The following LRMDA variants were observed in gnomAD, a reference collection of about 807,000 sequenced individuals.
LRMDA encodes leucine-rich melanocyte differentiation-associated protein.
LRMDA carries 18 observed loss-of-function variants against 29.8 expected under a neutral mutation model. The ratio of observed to expected loss-of-function variants is 0.60; its 90% CI spans 0.42 to 0.90. The LOEUF is 0.90. Ranked by LOEUF, LRMDA falls within the 40% of genes least tolerant of loss-of-function variation. The probability of loss-of-function intolerance (pLI) is 0.00; values close to 1 mark genes in which losing one functional copy is unlikely to be tolerated. For missense variants in LRMDA, 273 were observed against 273.9 expected (o/e 1.00, Z 0.02); for synonymous variants, 125 against 109.4 (o/e 1.14, Z -0.89).
At chr10:75,895,917 A>G (rs1364219652) in intron 2 of LRMDA, among the ~76,000 whole-genome samples, 1 of 152,234 alleles carries the variant, frequency 6.6e-6, no homozygotes, top group African/African-American at 2.4e-5. Context: ...TTGGAATCAG[A>G]CAGATGTGGT....
intron 5 of LRMDA, among the ~76,000 whole-genome samples, chr10:76,267,184 C>T (rs1418179179): frequency 6.6e-6 from 1 of 152,038 alleles, no homozygotes; most frequent in Non-Finnish European, 1.5e-5. Context: ...ATATCCTTAA[C>T]TTTATGCACA....
chr10:75,941,186 A>T (rs574478358), intron 2 of LRMDA, among the ~76,000 whole-genome samples: 25 of 152,254 alleles, frequency 1.6e-4, no homozygotes, highest in African/African-American at 4.8e-4. Flanking sequence ...TGTATTGGAA[A>T]TGCCGCCGCC....
At chr10:75,626,565 A>G (rs936476901) in intron 2 of LRMDA, among the ~76,000 whole-genome samples, 3 of 152,144 alleles carry the variant, frequency 2.0e-5, no homozygotes, top group African/African-American at 7.2e-5. Context: ...AGAGTGTTTA[A>G]GGAATAGGGT....
chr10:76,011,587 T>C (rs4746348), intron 2 of LRMDA, among the ~76,000 whole-genome samples: 69,617 of 151,996 alleles, frequency 0.46, 16,109 homozygotes, highest in Middle Eastern at 0.48. Context: ...GGGCTGCATG[T>C]GAGGATCGTG....
At chr10:75,738,758 G>T (rs1353848461) in intron 2 of LRMDA, among the ~76,000 whole-genome samples, 1 of 152,120 alleles carries the variant, frequency 6.6e-6, no homozygotes, top group Non-Finnish European at 1.5e-5. Flanking sequence ...GAGGCACTGT[G>T]GGAGCATTTT....
chr10:76,376,865 CTTTTTTTTTTTTTTTTT>C lies in LRMDA; in HGVS notation c.601+52402_601+52418del, dbSNP rs71024600. Among the ~76,000 whole-genome samples the C allele has an allele frequency of 9.3e-4, 44 of 47,382 alleles. 7 individuals carry two copies. In the East Asian group the frequency reaches 0.022, roughly 23 times the overall value. 31.1% of individuals were successfully genotyped at this position (47,382 alleles called of 152,430 possible). A position where few individuals can be genotyped will look rare whatever the true frequency, so the allele number is the denominator to read the frequency against. Reference sequence around the variant, plus strand: ...AAATGTTTGTTGGGCACTTGGAAGTCTTTTTTTTTTTTTTTTTTTTTTTTTTTTTTTTTTTTTTGAGA... The same window carrying C: ...AAATGTTTGTTGGGCACTTGGAAGTCTTTTTTTTTTTTTTTTTTTTTGAGA... On this transcript the variant is annotated intron_variant, in intron 6 of 6. Coordinates refer to ENST00000611255, the MANE Select transcript of LRMDA (RefSeq NM_001305581.2).
intron 2 of LRMDA, among the ~76,000 whole-genome samples, chr10:75,945,174 G>A (rs1242817269): frequency 6.6e-6 from 1 of 152,178 alleles, no homozygotes; most frequent in Non-Finnish European, 1.5e-5. Flanking sequence ...TTTTGTTCTA[G>A]CAGGCAGCTA....
At chr10:75,861,378 A>T (rs547697657) in intron 2 of LRMDA, among the ~76,000 whole-genome samples, 1 of 152,170 alleles carries the variant, frequency 6.6e-6, no homozygotes, top group African/African-American at 2.4e-5. Context: ...GAAAGACTCA[A>T]ATGGTCTGTT....
At chr10:75,742,670 G>C (rs1392832647) in intron 2 of LRMDA, 1 of 152,182 alleles carries the variant, frequency 6.6e-6, no homozygotes, top group Non-Finnish European at 1.5e-5. Flanking sequence ...TCTGCTCTTG[G>C]GGTACAGGTG....
At chr10:75,987,654 G>A (rs889225236) in intron 2 of LRMDA, among the ~76,000 whole-genome samples, 8 of 152,106 alleles carry the variant, frequency 5.3e-5, no homozygotes, top group Admixed American at 1.3e-4. Context: ...TCTCCACTTC[G>A]AAGTCTTTCC....
At chr10:76,032,283 CT>C in intron 2 of LRMDA, among the ~76,000 whole-genome samples, 1 of 152,280 alleles carries the variant, frequency 6.6e-6, no homozygotes, top group East Asian at 2.0e-4. Context: ...CCCTGGCCCC[CT>C]ACCCATGGCC....
intron 2 of LRMDA, among the ~76,000 whole-genome samples, chr10:75,794,458 A>G (rs1325258624): frequency 6.6e-6 from 1 of 152,124 alleles, no homozygotes; most frequent in Non-Finnish European, 1.5e-5. Flanking sequence ...CTAGGAGTAT[A>G]ACTGCCAGAT....
chr10:75,573,681 C>A (rs1042404518), intron 2 of LRMDA, among the ~76,000 whole-genome samples: 2 of 152,090 alleles, frequency 1.3e-5, no homozygotes, highest in African/African-American at 4.8e-5. Context: ...GGTTCCTATG[C>A]CTTTTTAACT....
intron 2 of LRMDA, among the ~76,000 whole-genome samples, chr10:75,690,080 A>T (rs7923585): frequency 0.038 from 5,784 of 152,234 alleles, 273 homozygotes; most frequent in African/African-American, 0.11. Flanking sequence ...ATTTGTAGCT[A>T]CTGATATGTT....
intron 2 of LRMDA, among the ~76,000 whole-genome samples, chr10:75,840,880 A>G (rs919230643): frequency 6.6e-6 from 1 of 152,228 alleles, no homozygotes; most frequent in African/African-American, 2.4e-5. Flanking sequence ...AACTTGTTAC[A>G]TGTACTTTTT....
chr10:75,897,360 G>A (rs1277221267), intron 2 of LRMDA, among the ~76,000 whole-genome samples: 1 of 152,144 alleles, frequency 6.6e-6, no homozygotes, highest in African/African-American at 2.4e-5. Context: ...CAAGATCATA[G>A]TCTAAGGTCA....
At chr10:76,079,563 A>T (rs184265625) in intron 5 of LRMDA, among the ~76,000 whole-genome samples, 1 of 152,280 alleles carries the variant, frequency 6.6e-6, no homozygotes, top group East Asian at 1.9e-4. Context: ...TTGGAGCCCC[A>T]CATTAGATGG....
At chr10:76,067,671 C>T (rs962655273) in intron 5 of LRMDA, among the ~76,000 whole-genome samples, 2 of 152,182 alleles carry the variant, frequency 1.3e-5, no homozygotes, top group Admixed American at 6.5e-5. Flanking sequence ...CAGCCCACCC[C>T]TCCCAATTCT....
chr10:76,350,895 C>T (rs911328910), intron 6 of LRMDA, among the ~76,000 whole-genome samples: 1 of 152,092 alleles, frequency 6.6e-6, no homozygotes, highest in African/African-American at 2.4e-5. Context: ...GATGAAACCA[C>T]CTCGTTAATT....
Sources: allele counts gnomAD v4.1 joint callset (sites outside exome capture counted in the v4.1 genomes callset), GRCh38; gene constraint gnomAD v4.1.1; transcripts MANE v1.5; gene names NCBI Gene and HGNC (gene_info 2026-07-23, HGNC 2026-07-21).